Variants in SPART observed in about 807,000 individuals in gnomAD.
SPART encodes the protein spastic paraplegia 20 (Troyer syndrome).
Under a neutral mutation model 58.7 loss-of-function variants are expected in SPART, and 35 were observed. The ratio of observed to expected loss-of-function variants is 0.60; its 90% CI spans 0.46 to 0.79. SPART has a LOEUF of 0.79. Ranked by LOEUF, SPART falls within the 30% of genes least tolerant of loss-of-function variation. The pLI, the probability that SPART is intolerant of heterozygous loss-of-function variation, is 0.00. For missense variants in SPART, 730 were observed against 786.1 expected (o/e 0.93, Z 0.85); for synonymous variants, 284 against 280.7 (o/e 1.01, Z -0.12).
intron 1 of SPART, among the ~76,000 whole-genome samples, chr13:36,359,936 A>AAAC (rs1208285596): frequency 6.0e-4 from 91 of 151,352 alleles, no homozygotes; most frequent in African/African-American, 2.1e-3. Context: ...AAAAAAAAAA[A>AAAC]AAAAAACACC....
Position 36,361,388 on chromosome 13 carries a change from A to T in SPART, c.-3+8701T>A, listed in dbSNP as rs547132530. Among the ~76,000 whole-genome samples the T allele has an allele frequency of 4.7e-4, 71 of 152,150 alleles. No homozygotes were observed. In the South Asian group the frequency reaches 0.014, roughly 30 times the overall value. On this transcript the variant is annotated intron_variant, in intron 1 of 8. Transcript: ENST00000355182. ...TAATTTTTTTCAATCGCTTTGCATC[A>T]TTCTTTTTTGTTGTTTTTGTTGTTG...
intron 1 of SPART, among the ~76,000 whole-genome samples, chr13:36,343,996 TCCAA>T (rs2137642534): frequency 7.0e-6 from 1 of 143,560 alleles, no homozygotes; most frequent in African/African-American, 2.6e-5. Context: ...ACCACTGCAC[TCCAA>T]CCAGCCTGGG....
Position 36,329,413 on chromosome 13 carries a change from C to G in SPART, c.1113G>C (p.Gln371His). The G allele has an allele frequency of 6.2e-7, 1 of 1,614,172 alleles. No individual in the cohort carries two copies. Among genetic ancestry groups the G allele is most frequent in the Non-Finnish European group, 8.5e-7 (1 of 1,180,024 alleles). Residue 371 changes from glutamine (Q) to histidine (H), a missense_variant, in exon 4 of 9, where the codon CAG becomes CAC. By Grantham distance (24) the Gln-to-His change is conservative (BLOSUM62 0). Coordinates refer to ENST00000438666, the MANE Select transcript of SPART (RefSeq NM_015087.5). ...LKEASGTDVK[Q>H]LDQGNKDVRH... ...GTACATCCTTATTGCCTTGGTCCAACTGTTTCACATCAGTGCCAGAGGCTT... is the reference window on the plus strand; with the variant it reads ...GTACATCCTTATTGCCTTGGTCCAAGTGTTTCACATCAGTGCCAGAGGCTT...
intron 1 of SPART, among the ~76,000 whole-genome samples, chr13:36,344,126 G>A (rs1884832357): frequency 6.6e-6 from 1 of 152,024 alleles, no homozygotes; most frequent in African/African-American, 2.4e-5. Context: ...GTCCTACTAT[G>A]TTTACAAGTC....
At chr13:36,333,826 A>C (rs1883700002) in intron 2 of SPART, among the ~76,000 whole-genome samples, 1 of 152,146 alleles carries the variant, frequency 6.6e-6, no homozygotes, top group African/African-American at 2.4e-5. Flanking sequence ...CCAATCAATA[A>C]GCCTACTCTT....
At chr13:36,336,628 C>T (rs568523743) in intron 1 of SPART, among the ~76,000 whole-genome samples, 14 of 152,194 alleles carry the variant, frequency 9.2e-5, no homozygotes, top group African/African-American at 2.4e-4. Context: ...TTTGGAAAAC[C>T]GGCAGTTTCT....
chr13:36,304,496 G>A lies in SPART; in HGVS notation c.1870C>T (p.Leu624Phe). 6.2e-7 allele frequency: 1 copy of A among 1,614,124 alleles called. No homozygotes were observed. The highest frequency in any genetic ancestry group is 1.7e-5 in the Admixed American group (1 of 60,018). The stretch of plus-strand genomic sequence containing the variant: ...TCAACTATCTGATAGTCCTCAAGGA[G>A]AGTGTGTCCTGTTTGTGTTGCAGTT... ...KKTATQTGHT[L>F]LEDYQIVDNS... is the part of the protein sequence containing the mutation. The change falls in exon 9 of 9, where the codon CTC (leucine) becomes TTC (phenylalanine). Residue 624 changes from leucine to phenylalanine, a missense_variant. By Grantham distance (22) the Leu-to-Phe change is conservative. Transcript: ENST00000438666.
upstream of SPART, among the ~76,000 whole-genome samples, chr13:36,350,883 C>T (rs1327666127): frequency 6.6e-6 from 1 of 152,108 alleles, no homozygotes; most frequent in Non-Finnish European, 1.5e-5. Context: ...GGAAATAGCA[C>T]ATAAAAAATT....
intron 1 of SPART, among the ~76,000 whole-genome samples, chr13:36,351,761 A>C (rs942354260): frequency 6.6e-6 from 1 of 152,210 alleles, no homozygotes; most frequent in African/African-American, 2.4e-5. Flanking sequence ...TAAAAGTTTC[A>C]ATCATAAATT....
At chr13:36,347,979 A>C (rs940491992), upstream of SPART, among the ~76,000 whole-genome samples, 2 of 152,094 alleles carry the variant, frequency 1.3e-5, no homozygotes, top group Non-Finnish European at 2.9e-5. Flanking sequence ...TTGTATGTCA[A>C]TATTTCTTTA....
chr13:36,328,777 C>T (rs908180862), intron 4 of SPART, among the ~76,000 whole-genome samples: 1 of 152,048 alleles, frequency 6.6e-6, no homozygotes, highest in African/African-American at 2.4e-5. Context: ...AATCAAATCT[C>T]TGTCCTGTTG....
intron 5 of SPART, among the ~76,000 whole-genome samples, chr13:36,316,007 A>G (rs1488682191): frequency 3.3e-5 from 5 of 152,248 alleles, no homozygotes; most frequent in Non-Finnish European, 5.9e-5. Context: ...TAAACACTGC[A>G]ACAGAAGATA....
At position 36,318,719 on chromosome 13, in the gene SPART, G is replaced by A. The variant is rs1224719925; in HGVS notation, c.1289-4298C>T. Among the ~76,000 whole-genome samples the A allele has an allele frequency of 1.1e-4, 16 of 152,164 alleles. 1 individual carries two copies. The highest frequency in any genetic ancestry group is 9.2e-4 in the Admixed American group (14 of 15,296). On this transcript the variant is annotated intron_variant, in intron 5 of 8. Transcript: ENST00000438666. ...CTCCTCCCACAGGAGCTTGCTACAC[G>A]TGCCGGAAATCTGGCCACTGGGCCA...
intron 1 of SPART, among the ~76,000 whole-genome samples, chr13:36,355,433 A>G (rs1885584869): frequency 5.3e-5 from 8 of 152,216 alleles, no homozygotes. Flanking sequence ...ATCTGTTTTC[A>G]ATATCCACAT....
intron 6 of SPART, among the ~76,000 whole-genome samples, chr13:36,313,442 T>C (rs1428485113): frequency 6.6e-6 from 1 of 152,192 alleles, no homozygotes. Context: ...GTGTACAGTG[T>C]TAAAAAGTCT....
At chr13:36,318,540 C>T (rs1410120698) in intron 5 of SPART, among the ~76,000 whole-genome samples, 1 of 152,170 alleles carries the variant, frequency 6.6e-6, no homozygotes, top group Non-Finnish European at 1.5e-5. Flanking sequence ...TCAAACCCCA[C>T]AACAGGATTT....
At chr13:36,314,482 TAATA>T (rs1881479101) in intron 5 of SPART, 61 bp from the exon 6 acceptor site, 2 of 1,473,696 alleles carry the variant, frequency 1.4e-6, no homozygotes, top group Non-Finnish European at 9.5e-7. Context: ...TTGAACACTT[TAATA>T]AATAACATCA....
intron 5 of SPART, among the ~76,000 whole-genome samples, chr13:36,321,731 A>T (rs1313720829): frequency 6.6e-6 from 1 of 152,152 alleles, no homozygotes; most frequent in African/African-American, 2.4e-5. Flanking sequence ...TTAATATAAG[A>T]AGTCAGGAAT....
At chr13:36,320,772 G>A (rs948832061) in intron 5 of SPART, among the ~76,000 whole-genome samples, 1 of 152,084 alleles carries the variant, frequency 6.6e-6, no homozygotes, top group African/African-American at 2.4e-5. Flanking sequence ...GGTCTGAGAA[G>A]GCCACTGCAG....
Sources: allele counts gnomAD v4.1 joint callset (sites outside exome capture counted in the v4.1 genomes callset), GRCh38; gene constraint gnomAD v4.1.1; transcripts MANE v1.5; gene names NCBI Gene and HGNC (gene_info 2026-07-23, HGNC 2026-07-21).